Variants in PRKCSH observed in about 807,000 individuals in gnomAD.
PRKCSH encodes the protein PRKCSH beta subunit of glucosidase II.
In PRKCSH, 42 loss-of-function variants were observed where a neutral mutation model predicts 79.7. The ratio of observed to expected loss-of-function variants is 0.53; its 90% CI spans 0.41 to 0.68. PRKCSH has a LOEUF of 0.68. PRKCSH is among the 30% of genes least tolerant of loss of function. The probability of loss-of-function intolerance (pLI) is 0.00; values close to 1 mark genes in which losing one functional copy is unlikely to be tolerated. For synonymous variants in PRKCSH, 325 were observed against 288.2 expected (o/e 1.13, Z -1.29); for missense variants, 686 against 709.0 (o/e 0.97, Z 0.37).
chr19:11,439,525 C>T (rs774435468), intron 5 of PRKCSH, among the ~76,000 whole-genome samples: 3 of 150,494 alleles, frequency 2.0e-5, no homozygotes, highest in African/African-American at 4.9e-5. Flanking sequence ...GAGGCTAAGG[C>T]GAGAGGATCA....
chr19:11,439,216 G>T (rs1335116140), intron 5 of PRKCSH, among the ~76,000 whole-genome samples: 1 of 152,076 alleles, frequency 6.6e-6, no homozygotes, highest in Non-Finnish European at 1.5e-5. Flanking sequence ...TTTTATGCAC[G>T]TGTGAGAGAT....
rs1008011503 is a variant in PRKCSH at position 11,435,653 on chromosome 19, G to A, written c.-131G>A. On this transcript the variant is annotated 5_prime_UTR_variant, in exon 1 of 18. Transcript: ENST00000677123. ...CCGCTTTCTTTCTGCAGCAGGAACC[G>A]CGGCTGCTGGACAAGAGGGGTGCGG... 9 of 1,283,880 alleles carry A rather than the reference G, an allele frequency of 7.0e-6. No homozygotes were observed. The highest frequency in any genetic ancestry group is 9.2e-6 in the Non-Finnish European group (9 of 982,528). The allele number at this position is 1,283,880 out of a possible 1,614,324, so 79.5% of individuals were successfully genotyped here.
chr19:11,441,061 C>G, intron 5 of PRKCSH, 179 bp from the exon 6 acceptor site: 1 of 690,090 alleles, frequency 1.4e-6, no homozygotes, highest in Non-Finnish European at 2.7e-6. Flanking sequence ...CACTGTTCCT[C>G]TTTCAAGGAC....
In PRKCSH at chr19:11,448,644, TGCAGGGGCCCCCACTG is replaced by T. The variant is rs1342097524; in HGVS notation, c.1286+22_1286+37del. Reference sequence around the variant, plus strand: ...ACCACCAACGAGTGCGTCCCAGGAATGCAGGGGCCCCCACTGGCAGGGTGGGAGGCGGGTGGCCCCG... The same window carrying T: ...ACCACCAACGAGTGCGTCCCAGGAATGCAGGGTGGGAGGCGGGTGGCCCCG... On this transcript the variant is annotated intron_variant, in intron 14 of 17. Transcript: ENST00000677123. This position sits in a 1 kb window ranked among gnomAD's most constrained non-coding sequence, Gnocchi z 4.4. 8 of 1,612,280 alleles carry T rather than the reference TGCAGGGGCCCCCACTG, an allele frequency of 5.0e-6. No homozygotes were observed. In the Admixed American group the frequency reaches 1.3e-4, roughly 27 times the overall value.
At position 11,449,976 on chromosome 19, in the gene PRKCSH, T is replaced by C. The variant is rs867954975; in HGVS notation, c.*16+548T>C. 26 of 166,810 alleles carry C rather than the reference T, an allele frequency of 1.6e-4. No homozygotes were observed. The highest frequency in any genetic ancestry group is 6.3e-3 in the Middle Eastern group (2 of 318). The allele number at this position is 166,810 out of a possible 1,614,324, so 10.3% of individuals were successfully genotyped here. A position where few individuals can be genotyped will look rare whatever the true frequency, so the allele number is the denominator to read the frequency against. ...TCTCCTGCCTCAGCCTCCTGAGTAATTGGGACTACAGGCGCCGCCACCACG... is the reference window on the plus strand; with the variant it reads ...TCTCCTGCCTCAGCCTCCTGAGTAACTGGGACTACAGGCGCCGCCACCACG... On this transcript the variant is annotated intron_variant, in intron 17 of 17. Coordinates refer to ENST00000677123, the MANE Select transcript of PRKCSH (RefSeq NM_001289104.2). The surrounding 1 kb of genome is among the most constrained non-coding windows in gnomAD (Gnocchi z 6.4).
intron 8 of PRKCSH, 31 bp from the exon 9 acceptor site, chr19:11,446,241 C>G (rs371950598): frequency 6.2e-7 from 1 of 1,609,372 alleles, no homozygotes; most frequent in Non-Finnish European, 8.5e-7. Context: ...GGGCCTCACC[C>G]CTCCAGTCTG....
Position 11,447,103 on chromosome 19 carries a change from C to G in PRKCSH, c.792C>G (p.Asp264Glu). 6.2e-7 allele frequency: 1 copy of G among 1,614,002 alleles called. No individual in the cohort carries two copies. Among genetic ancestry groups the G allele is most frequent in the Non-Finnish European group, 8.5e-7 (1 of 1,179,892 alleles). Residue 264 changes from aspartate (D) to glutamate (E), a missense_variant, in exon 10 of 18, where the codon GAC becomes GAG. Asp to Glu is a conservative substitution (Grantham distance 45, BLOSUM62 2). Around this residue, in one of 2 missense-constraint regions of PRKCSH, gnomAD observed 549 missense variants for 520.2 expected, o/e 1.06. Coordinates refer to ENST00000677123, the MANE Select transcript of PRKCSH (RefSeq NM_001289104.2). This position sits in a 1 kb window ranked among gnomAD's most constrained non-coding sequence, Gnocchi z 5.6. ...TCCTCAGTGGGGACACACAGACAGA[C>G]GCCACCTCTTTCTACGACCGCGTCT... is the stretch of plus-strand genomic sequence containing the variant. ...QALLSGDTQT[D>E]ATSFYDRVWA...
intron 8 of PRKCSH, 62 bp downstream of exon 8, chr19:11,445,535 C>T: frequency 6.5e-7 from 1 of 1,529,092 alleles, no homozygotes; most frequent in Non-Finnish European, 9.0e-7. Context: ...CTCCCCGCCA[C>T]CCTCGCCTCT....
At chr19:11,444,266 G>A (rs1970194875) in intron 7 of PRKCSH, among the ~76,000 whole-genome samples, 1 of 152,198 alleles carries the variant, frequency 6.6e-6, no homozygotes, top group Non-Finnish European at 1.5e-5. Flanking sequence ...TCCTCAGGAT[G>A]TGTTCTCAGT....
chr19:11,436,152 G>T lies in PRKCSH; in HGVS notation c.35G>T (p.Cys12Phe). The change falls in exon 2 of 18, where the codon TGC (cysteine) becomes TTC (phenylalanine). Residue 12 changes from cysteine (C) to phenylalanine (F), a missense_variant. Physicochemically the swap from Cys to Phe is radical, Grantham distance 205 (BLOSUM62 -2). Transcript: ENST00000677123. ...LLPLLLLLPM[C>F]WAVEVKRPRG... ...CCGCTGCTGCTGCTGCTACCCATGTGCTGGGCCGTGGAGGTCAAGAGGCCC... is the reference window on the plus strand; with the variant it reads ...CCGCTGCTGCTGCTGCTACCCATGTTCTGGGCCGTGGAGGTCAAGAGGCCC... The T allele has an allele frequency of 6.2e-7, 1 of 1,604,604 alleles. No individual in the cohort carries two copies.
intron 5 of PRKCSH, among the ~76,000 whole-genome samples, chr19:11,440,840 T>G (rs1970031573): frequency 6.6e-6 from 1 of 152,022 alleles, no homozygotes; most frequent in South Asian, 2.1e-4. Flanking sequence ...TTTGTTTTAA[T>G]TATGTGTAAA....
chr19:11,446,517 G>A (rs775797826), intron 9 of PRKCSH, among the ~76,000 whole-genome samples, 167 bp downstream of exon 9: 3 of 152,006 alleles, frequency 2.0e-5, no homozygotes, highest in South Asian at 2.1e-4. Flanking sequence ...GGCAGGACCC[G>A]GGATGGAGCC....
chr19:11,444,953 A>G (rs1365298639), intron 7 of PRKCSH, among the ~76,000 whole-genome samples: 1 of 149,826 alleles, frequency 6.7e-6, no homozygotes, highest in Non-Finnish European at 1.5e-5. Context: ...CCGTCTGCGC[A>G]CTCCATCTGC....
intron 5 of PRKCSH, 30 bp downstream of exon 5, chr19:11,438,154 C>G: frequency 6.2e-7 from 1 of 1,611,910 alleles, no homozygotes; most frequent in Non-Finnish European, 8.5e-7. Flanking sequence ...CCTCCCATCA[C>G]CCCACCCCAA....
intron 7 of PRKCSH, among the ~76,000 whole-genome samples, chr19:11,443,602 T>TGG (rs1387209943): frequency 6.6e-6 from 1 of 151,484 alleles, no homozygotes; most frequent in Non-Finnish European, 1.5e-5. Flanking sequence ...CCCAGCTACT[T>TGG]GGGAGGCTGA....
chr19:11,448,130 G>T lies in PRKCSH; in HGVS notation c.1127-92G>T. On this transcript the variant is annotated intron_variant, in intron 12 of 17. Coordinates refer to ENST00000677123, the MANE Select transcript of PRKCSH (RefSeq NM_001289104.2). The surrounding 1 kb of genome is among the most constrained non-coding windows in gnomAD (Gnocchi z 4.4). ...AGTCCTTGGCCAGAGCAAAATGAGG[G>T]TATGGGAGCACACAGCCACATCCAT... 7.5e-7 allele frequency: 1 copy of T among 1,326,946 alleles called. No homozygotes were observed. The highest frequency in any genetic ancestry group is 1.1e-6 in the Non-Finnish European group (1 of 943,762). 82.2% of individuals were successfully genotyped at this position (1,326,946 alleles called of 1,614,324 possible). A position where few individuals can be genotyped will look rare whatever the true frequency, so the allele number is the denominator to read the frequency against.
intron 5 of PRKCSH, among the ~76,000 whole-genome samples, chr19:11,440,028 T>C (rs1969982335): frequency 6.6e-6 from 1 of 151,314 alleles, no homozygotes; most frequent in South Asian, 2.1e-4. Context: ...GAGGTTGCAG[T>C]GAGCTAAAAA....
At chr19:11,437,705 G>A (rs942175272) in intron 3 of PRKCSH, among the ~76,000 whole-genome samples, 171 bp from the exon 4 acceptor site, 1 of 152,200 alleles carries the variant, frequency 6.6e-6, no homozygotes, top group African/African-American at 2.4e-5. Flanking sequence ...CGGCACTGGA[G>A]AGCTTTATTT....
chr19:11,445,474 G>A lies in PRKCSH; in HGVS notation c.683+1G>A, dbSNP rs2144837651. ...AGCTGGATGATGACATGGACGGGAC[G>A]TGAGTGTCCCCTAGTTGGAGCTGCC... On this transcript the variant is annotated splice_donor_variant, in intron 8 of 17. Coordinates refer to ENST00000677123, the MANE Select transcript of PRKCSH (RefSeq NM_001289104.2). LOFTEE classifies it high-confidence loss of function. The A allele has an allele frequency of 6.2e-7, 1 of 1,613,806 alleles. No homozygotes were observed. The highest frequency in any genetic ancestry group is 8.5e-7 in the Non-Finnish European group (1 of 1,179,858).
Sources: gnomAD v4.1 joint callset for allele counts (sites outside exome capture counted in the v4.1 genomes callset) on GRCh38, gnomAD v4.1.1 for gene constraint, gnomAD v4.1.1 regional missense constraint, Gnocchi (gnomAD v3.1) non-coding constraint, MANE v1.5 for transcripts, NCBI Gene and HGNC (gene_info 2026-07-23, HGNC 2026-07-21) for gene names.